LRP1B: variants seen among roughly 807,000 people sequenced by gnomAD.
LRP1B encodes LDL receptor related protein 1B.
Under a neutral mutation model 556.6 loss-of-function variants are expected in LRP1B, and 217 were observed. The ratio of observed to expected loss-of-function variants is 0.39; its 90% confidence interval spans 0.35 to 0.44. The LOEUF is 0.44. LRP1B is among the 20% of genes least tolerant of loss of function. LRP1B has a pLI of 1.00. For missense variants in LRP1B, 5,053 were observed against 5,620.8 expected (o/e 0.90, Z 3.23); for synonymous variants, 2,047 against 1,865.8 (o/e 1.10, Z -2.50).
chr2:141,397,135 A>AAAAAAAAAAAAAAAAT, intron 3 of LRP1B, among the ~76,000 whole-genome samples: 1 of 146,282 alleles, frequency 6.8e-6, no homozygotes, highest in Non-Finnish European at 1.5e-5. Flanking sequence ...AAAAAAAAAA[A>AAAAAAAAAAAAAAAAT]GGATGTGGTT....
At chr2:141,008,321 C>T (rs2105377685) in intron 14 of LRP1B, among the ~76,000 whole-genome samples, 3 of 151,182 alleles carry the variant, frequency 2.0e-5, no homozygotes, top group Middle Eastern at 7.0e-3. Flanking sequence ...ATCTCATTTG[C>T]AAGTAGGAAT....
At chr2:142,115,482 A>AATATATTAC (rs1707157264) in intron 1 of LRP1B, among the ~76,000 whole-genome samples, 1 of 58,466 alleles carries the variant, frequency 1.7e-5, no homozygotes, top group Non-Finnish European at 3.8e-5. Flanking sequence ...ACATACATAT[A>AATATATTAC]ATATATAATT....
chr2:140,824,998 T>C (rs1691454570), intron 31 of LRP1B, among the ~76,000 whole-genome samples: 1 of 152,172 alleles, frequency 6.6e-6, no homozygotes, highest in Admixed American at 6.5e-5. Flanking sequence ...CCTAGCTTTG[T>C]GGTGCTTCTC....
intron 1 of LRP1B, 149 bp downstream of exon 1, chr2:142,130,499 C>A (rs1707811456): frequency 9.3e-6 from 6 of 646,986 alleles, no homozygotes; most frequent in Non-Finnish European, 1.3e-5. Context: ...GCACCTCTCA[C>A]CCCCGCACAG....
At chr2:141,796,045 T>C (rs964878796) in intron 2 of LRP1B, among the ~76,000 whole-genome samples, 1 of 151,304 alleles carries the variant, frequency 6.6e-6, no homozygotes, top group Non-Finnish European at 1.5e-5. Flanking sequence ...AGTATATTAT[T>C]GATAGCCAAT....
intron 6 of LRP1B, among the ~76,000 whole-genome samples, chr2:141,195,168 C>A (rs1027598738): frequency 1.3e-5 from 2 of 152,042 alleles, no homozygotes; most frequent in Non-Finnish European, 2.9e-5. Context: ...CCATTCGGTT[C>A]TCTCTCTCTT....
intron 51 of LRP1B, among the ~76,000 whole-genome samples, chr2:140,510,790 C>CA (rs1437979993): frequency 2.6e-5 from 4 of 152,048 alleles, no homozygotes; most frequent in African/African-American, 4.8e-5. Flanking sequence ...TAATGTCTTT[C>CA]AAAAAAATGC....
chr2:141,933,004 A>G (rs1184943103), intron 1 of LRP1B, among the ~76,000 whole-genome samples: 1 of 152,014 alleles, frequency 6.6e-6, no homozygotes, highest in Non-Finnish European at 1.5e-5. Context: ...TTAATTCACT[A>G]TTATGTTTCC....
At chr2:140,412,073 C>T (rs1247214229) in intron 66 of LRP1B, among the ~76,000 whole-genome samples, 2 of 151,924 alleles carry the variant, frequency 1.3e-5, no homozygotes. Flanking sequence ...TCACTTTCAC[C>T]AAGTATCAAA....
intron 3 of LRP1B, among the ~76,000 whole-genome samples, chr2:141,466,482 A>G (rs1304468098): frequency 2.6e-5 from 4 of 152,214 alleles, no homozygotes; most frequent in African/African-American, 4.8e-5. Flanking sequence ...TCTTGAAAAG[A>G]TACATCTCCC....
intron 84 of LRP1B, among the ~76,000 whole-genome samples, chr2:140,285,292 T>G (rs5834732): frequency 1.5e-5 from 2 of 135,984 alleles, no homozygotes. Context: ...GCAAGATATA[T>G]ATAGATAGGT....
chr2:141,841,426 A>T (rs1199653299), intron 1 of LRP1B, among the ~76,000 whole-genome samples: 1 of 152,166 alleles, frequency 6.6e-6, no homozygotes, highest in Admixed American at 6.5e-5. Flanking sequence ...GTTAAAATGG[A>T]AAAAAGTATA....
intron 1 of LRP1B, among the ~76,000 whole-genome samples, chr2:141,818,312 T>C (rs1029019561): frequency 6.6e-6 from 1 of 152,160 alleles, no homozygotes; most frequent in Non-Finnish European, 1.5e-5. Flanking sequence ...TATCAAGAAG[T>C]ACCTTAATCC....
rs534240623 is a variant in LRP1B at position 141,285,602 on chromosome 2, C to A, written c.344-30961G>T. Among the ~76,000 whole-genome samples the A allele has an allele frequency of 6.8e-4, 101 of 147,990 alleles. 1 individual carries two copies. The highest frequency in any genetic ancestry group is 2.4e-3 in the African/African-American group (99 of 40,748). ...TCCCACGTAGCTGGAATTACAGGTG[C>A]CCGCCACCAAGGCCGGCTGATTTTT... is the stretch of plus-strand genomic sequence containing the variant. On this transcript the variant is annotated intron_variant, in intron 3 of 90. Transcript: ENST00000389484.
chr2:140,363,900 C>T (rs1302344976), intron 72 of LRP1B, among the ~76,000 whole-genome samples: 1 of 151,504 alleles, frequency 6.6e-6, no homozygotes, highest in Non-Finnish European at 1.5e-5. Flanking sequence ...TCTGATGTGG[C>T]AGCATTTTCC....
intron 7 of LRP1B, among the ~76,000 whole-genome samples, chr2:141,140,100 C>T (rs1701606200): frequency 6.6e-6 from 1 of 151,684 alleles, no homozygotes; most frequent in African/African-American, 2.4e-5. Flanking sequence ...AGAGTGTGTG[C>T]TGTATAATTC....
At chr2:140,545,403 G>T (rs900720041) in intron 43 of LRP1B, among the ~76,000 whole-genome samples, 2 of 151,926 alleles carry the variant, frequency 1.3e-5, no homozygotes, top group African/African-American at 4.8e-5. Flanking sequence ...GTCTTCCAGG[G>T]TTTTTATAGT....
In LRP1B at chr2:141,084,774, T is replaced by G. The variant is rs553208815; in HGVS notation, c.1014-22501A>C. On this transcript the variant is annotated intron_variant, in intron 7 of 90. Coordinates refer to ENST00000389484, the MANE Select transcript of LRP1B (RefSeq NM_018557.3). ...ACGCCATTCTCCTGCCTCAGCCTCC[T>G]GAGTAGCTGGGACTACAGGTGCCCA... 2.6e-5 allele frequency among the ~76,000 whole-genome samples: 4 copies of G among 151,928 alleles called. No individual in the cohort carries two copies. In the South Asian group the frequency reaches 8.3e-4, roughly 32 times the overall value.
At chr2:141,736,068 C>T (rs966602535) in intron 2 of LRP1B, among the ~76,000 whole-genome samples, 5 of 152,230 alleles carry the variant, frequency 3.3e-5, no homozygotes, top group Admixed American at 2.0e-4. Flanking sequence ...GGGAACAATT[C>T]TCACCCACTC....
Sources: allele counts gnomAD v4.1 joint callset (sites outside exome capture counted in the v4.1 genomes callset), GRCh38; gene constraint gnomAD v4.1.1; transcripts MANE v1.5; gene names NCBI Gene and HGNC (gene_info 2026-07-23, HGNC 2026-07-21).